ERICH3: variants seen among roughly 807,000 people sequenced by gnomAD.
ERICH3 encodes glutamate-rich protein 3.
In ERICH3, 126 loss-of-function variants were observed where a neutral mutation model predicts 131.1. The ratio of observed to expected loss-of-function variants is 0.96; its 90% confidence interval spans 0.83 to 1.11. ERICH3 has a LOEUF of 1.11. Among genes scored for constraint, ERICH3 ranks in the 50% most tolerant of loss-of-function variants. The pLI is 0.00. For synonymous variants in ERICH3, 695 were observed against 644.6 expected (o/e 1.08, Z -1.18); for missense variants, 2,050 against 1,810.7 (o/e 1.13, Z -2.40).
At chr1:74,655,479 GCAGC>G (rs1646575231) in intron 1 of ERICH3, among the ~76,000 whole-genome samples, 1 of 152,110 alleles carries the variant, frequency 6.6e-6, no homozygotes, top group Admixed American at 6.6e-5. Context: ...ATTGCCAAAT[GCAGC>G]CATGGCTGGT....
Position 74,636,375 on chromosome 1 carries a change from G to C in ERICH3, c.508C>G (p.Pro170Ala). 1 of 1,612,936 alleles carries C rather than the reference G, an allele frequency of 6.2e-7. No individual in the cohort carries two copies. ...MQPPIRLQPL[P>A]SNPAVETVPK... ...ACAGTTTCTACTGCAGGATTACTGG[G>C]AAGAGGCTGTAATCGAATTGGAGGC... The change falls in exon 6 of 15, where the codon CCC becomes GCC. Residue 170 changes from proline (P) to alanine (A), a missense_variant. By Grantham distance (27) the Pro-to-Ala change is conservative. Coordinates refer to ENST00000326665, the MANE Select transcript of ERICH3 (RefSeq NM_001002912.5).
At chr1:74,667,603 A>G (rs1646704160) in intron 1 of ERICH3, among the ~76,000 whole-genome samples, 1 of 152,186 alleles carries the variant, frequency 6.6e-6, no homozygotes, top group East Asian at 1.9e-4. Context: ...CAGGTTCTGA[A>G]TATTTGGGGC....
chr1:74,612,910 G>A, intron 8 of ERICH3, 101 bp from the exon 9 acceptor site: 1 of 1,005,026 alleles, frequency 9.9e-7, no homozygotes, highest in Non-Finnish European at 1.4e-6. Flanking sequence ...TTATGATCTA[G>A]ATCAGGGGTG....
At chr1:74,657,379 A>T (rs1229766942) in intron 1 of ERICH3, among the ~76,000 whole-genome samples, 1 of 152,190 alleles carries the variant, frequency 6.6e-6, no homozygotes, top group Non-Finnish European at 1.5e-5. Flanking sequence ...ATCAGGGCCA[A>T]TTATTTTATA....
At chr1:74,582,031 A>C (rs1166637428) in intron 12 of ERICH3, among the ~76,000 whole-genome samples, 1 of 152,126 alleles carries the variant, frequency 6.6e-6, no homozygotes, top group Non-Finnish European at 1.5e-5. Flanking sequence ...TGACATTGCC[A>C]TCTTCTTTGT....
rs760643334 is a variant in ERICH3 at position 74,606,788 on chromosome 1, C to T, written c.1302G>A (p.Glu434=). The T allele has an allele frequency of 6.2e-7, 1 of 1,613,370 alleles. No homozygotes were observed. Among genetic ancestry groups the T allele is most frequent in the South Asian group, 1.1e-5 (1 of 91,058 alleles). The change falls in exon 10 of 15, where the codon GAG becomes GAA. Residue 434 remains glutamate, a synonymous_variant. Coordinates refer to ENST00000326665, the MANE Select transcript of ERICH3 (RefSeq NM_001002912.5). ...LKKAEGKVRK[E]REYVIPKRNE... is the part of the protein sequence containing the mutation. ...TTCTTTTTGGTATCACATACTCTCT[C>T]TCTTTCCTCACTTTCCCCTCAGCCT...
At chr1:74,671,873 G>A (rs922454821) in intron 1 of ERICH3, among the ~76,000 whole-genome samples, 1 of 152,180 alleles carries the variant, frequency 6.6e-6, no homozygotes, top group Non-Finnish European at 1.5e-5. Context: ...AGGGATCAGA[G>A]AAATTAATAC....
At chr1:74,669,717 A>AT (rs1308707216) in intron 1 of ERICH3, among the ~76,000 whole-genome samples, 1 of 152,216 alleles carries the variant, frequency 6.6e-6, no homozygotes, top group Non-Finnish European at 1.5e-5. Context: ...AACCATTTTT[A>AT]TTTACTCCTA....
intron 12 of ERICH3, chr1:74,589,385 G>A: frequency 1.8e-6 from 1 of 551,006 alleles, no homozygotes; most frequent in Non-Finnish European, 3.2e-6. Flanking sequence ...CCCATAGGAG[G>A]GAATTTACCG....
At chr1:74,658,509 A>T (rs1327186915) in intron 1 of ERICH3, among the ~76,000 whole-genome samples, 1 of 152,094 alleles carries the variant, frequency 6.6e-6, no homozygotes, top group Non-Finnish European at 1.5e-5. Context: ...AACACCTAGT[A>T]GGTGGGTTCT....
chr1:74,617,460 G>T (rs1035311181), intron 8 of ERICH3, among the ~76,000 whole-genome samples: 1 of 152,174 alleles, frequency 6.6e-6, no homozygotes, highest in East Asian at 1.9e-4. Context: ...TCTAACTGGG[G>T]AATAAATTTT....
chr1:74,662,842 G>C (rs1408478808), intron 1 of ERICH3, among the ~76,000 whole-genome samples: 2 of 152,058 alleles, frequency 1.3e-5, no homozygotes, highest in Non-Finnish European at 2.9e-5. Context: ...TTTAAAGAGT[G>C]CTTTTTACTA....
Position 74,571,553 on chromosome 1 carries a change from G to C in ERICH3, c.4157C>G (p.Thr1386Ser). ...TACTAACTCATCCTGTTGGTGCCAG[G>C]TTTCTTCCTCAGCAACATCTGAAAA... ...SSFSDVAEEETWHQQDELVGK... is the reference protein window; with the variant it reads ...SSFSDVAEEESWHQQDELVGK... The change falls in exon 14 of 15, where the codon ACC becomes AGC. Residue 1386 changes from threonine to serine, a missense_variant. Coordinates refer to ENST00000326665, the MANE Select transcript of ERICH3 (RefSeq NM_001002912.5). 6.2e-7 allele frequency: 1 copy of C among 1,614,080 alleles called. No individual in the cohort carries two copies. Among genetic ancestry groups the C allele is most frequent in the Non-Finnish European group, 8.5e-7 (1 of 1,179,996 alleles).
chr1:74,584,433 T>G (rs1022227518), intron 12 of ERICH3, among the ~76,000 whole-genome samples: 2 of 152,184 alleles, frequency 1.3e-5, no homozygotes, highest in African/African-American at 2.4e-5. Flanking sequence ...TACTAGACTC[T>G]GTCACACTGG....
rs533964596 is a variant in ERICH3, at chr1:74,644,934, G to C, written c.243+1733C>G. Among the ~76,000 whole-genome samples, 25 of 152,166 alleles carry C rather than the reference G, an allele frequency of 1.6e-4. 1 individual carries two copies. In the South Asian group the frequency reaches 5.2e-3, roughly 32 times the overall value. The stretch of plus-strand genomic sequence containing the variant: ...AGACTGGGTACCAACTTGTTGGAGA[G>C]TGTCACTTCCTGCCACTCTTGCCAA... On this transcript the variant is annotated intron_variant, in intron 3 of 14. Coordinates refer to ENST00000326665, the MANE Select transcript of ERICH3 (RefSeq NM_001002912.5).
chr1:74,597,137 A>G (rs1035277936), intron 11 of ERICH3, among the ~76,000 whole-genome samples: 2 of 152,230 alleles, frequency 1.3e-5, no homozygotes, highest in Non-Finnish European at 2.9e-5. Context: ...GCTTTTCAAC[A>G]GAGTATTCCA....
intron 12 of ERICH3, chr1:74,580,016 T>C: frequency 2.2e-6 from 1 of 464,048 alleles, no homozygotes; most frequent in Non-Finnish European, 2.8e-6. Context: ...TAAAAACAAA[T>C]ATATTTTAAA....
rs1238886600 is a variant in ERICH3 at position 74,627,440 on chromosome 1, T to TA, written c.819+4272dup. 6.0e-5 allele frequency among the ~76,000 whole-genome samples: 9 copies of TA among 151,184 alleles called. No homozygotes were observed. The East Asian group carries it at 1.2e-3, about 20-fold the overall frequency. On this transcript the variant is annotated intron_variant, in intron 7 of 14. Coordinates refer to ENST00000326665, the MANE Select transcript of ERICH3 (RefSeq NM_001002912.5). ...TCTACAAAGAAATGTCATGGTAAGT[T>TA]AAAAAAAAACTAAGATGGTAGAAAT...
chr1:74,615,026 A>G (rs1409666919), intron 8 of ERICH3, among the ~76,000 whole-genome samples: 2 of 152,108 alleles, frequency 1.3e-5, no homozygotes, highest in Non-Finnish European at 2.9e-5. Flanking sequence ...AATGTTGAGA[A>G]AGGGCTCAGG....
Sources: gnomAD v4.1 joint callset for allele counts (sites outside exome capture counted in the v4.1 genomes callset) on GRCh38, gnomAD v4.1.1 for gene constraint, MANE v1.5 for transcripts, NCBI Gene and HGNC (gene_info 2026-07-23, HGNC 2026-07-21) for gene names.